SEMA6D: variants seen among roughly 807,000 people sequenced by gnomAD.
SEMA6D encodes the protein semaphorin-6D.
In SEMA6D, 35 loss-of-function variants were observed where a neutral mutation model predicts 106.6. That is an observed-to-expected ratio of 0.33 (90% CI 0.25 to 0.44). SEMA6D has a LOEUF of 0.44. Ranked by LOEUF, SEMA6D falls within the 20% of genes least tolerant of loss-of-function variation. SEMA6D has a pLI of 1.00. For synonymous variants in SEMA6D, 499 were observed against 487.7 expected, an observed-to-expected ratio of 1.02 and a Z score of -0.31; for missense variants, 1,185 against 1,345.9, an observed-to-expected ratio of 0.88 and a Z score of 1.87.
At chr15:47,666,442 C>G (rs1371541465) in intron 4 of SEMA6D, among the ~76,000 whole-genome samples, 4 of 152,132 alleles carry the variant, frequency 2.6e-5, no homozygotes, top group African/African-American at 9.7e-5. Context: ...TGCTTAGTCA[C>G]CAACTACTTG....
chr15:47,560,865 G>T (rs1848429678), intron 3 of SEMA6D, among the ~76,000 whole-genome samples: 1 of 151,990 alleles, frequency 6.6e-6, no homozygotes, highest in Non-Finnish European at 1.5e-5. Flanking sequence ...AGAAGGCAAA[G>T]ATTGCCTCGG....
At chr15:47,552,892 A>ATATATATATT in intron 3 of SEMA6D, among the ~76,000 whole-genome samples, 2 of 10,418 alleles carry the variant, frequency 1.9e-4, no homozygotes, top group African/African-American at 1.3e-3. Flanking sequence ...ATATATATAA[A>ATATATATATT]TATATATATA....
chr15:47,328,670 G>A (rs1381675009), intron 1 of SEMA6D, among the ~76,000 whole-genome samples: 1 of 152,094 alleles, frequency 6.6e-6, no homozygotes, highest in African/African-American at 2.4e-5. Context: ...TGATGCAGCT[G>A]GCCAACTTCT....
intron 1 of SEMA6D, among the ~76,000 whole-genome samples, chr15:47,321,354 TTTAGA>T (rs1423524462): frequency 6.6e-6 from 1 of 152,206 alleles, no homozygotes; most frequent in Non-Finnish European, 1.5e-5. Flanking sequence ...ATTTGGACAC[TTTAGA>T]TATAGATAAT....
chr15:47,291,689 C>T (rs764358284), intron 1 of SEMA6D, among the ~76,000 whole-genome samples: 18 of 152,164 alleles, frequency 1.2e-4, no homozygotes, highest in Non-Finnish European at 2.2e-4. Context: ...ATCTATAATG[C>T]TTTGATTTTT....
intron 4 of SEMA6D, among the ~76,000 whole-genome samples, chr15:47,645,848 A>G (rs1316548445): frequency 6.6e-6 from 1 of 152,148 alleles, no homozygotes; most frequent in African/African-American, 2.4e-5. Flanking sequence ...CCGGGGAAAC[A>G]TTCTACTGTT....
intron 13 of SEMA6D, chr15:47,765,559 A>G (rs2082290959): frequency 1.5e-6 from 1 of 679,470 alleles, no homozygotes; most frequent in Non-Finnish European, 1.9e-6. Context: ...CATCTAACAC[A>G]GGAAAATTTA....
intron 3 of SEMA6D, among the ~76,000 whole-genome samples, chr15:47,570,116 A>T (rs2046342028): frequency 6.6e-6 from 1 of 152,042 alleles, no homozygotes. Context: ...CCTGAGTATC[A>T]TTTGGTTTTC....
intron 1 of SEMA6D, among the ~76,000 whole-genome samples, chr15:47,258,805 GCT>G (rs2033933387): frequency 6.6e-6 from 1 of 151,762 alleles, no homozygotes; most frequent in African/African-American, 2.4e-5. Context: ...ATAACACTTG[GCT>G]CTGTTTCTCT....
intron 2 of SEMA6D, among the ~76,000 whole-genome samples, chr15:47,428,191 GATAA>G (rs1269738594): frequency 6.6e-6 from 1 of 152,004 alleles, no homozygotes; most frequent in Non-Finnish European, 1.5e-5. Flanking sequence ...TAGAGGCAAA[GATAA>G]ATAAATCAAC....
chr15:47,580,295 A>G (rs2076233592), intron 3 of SEMA6D, among the ~76,000 whole-genome samples: 2 of 152,306 alleles, frequency 1.3e-5, no homozygotes, highest in South Asian at 2.1e-4. Flanking sequence ...TGCTCCATGT[A>G]GGGTTTCCAG....
chr15:47,253,743 T>C (rs1362326406), intron 1 of SEMA6D, among the ~76,000 whole-genome samples: 1 of 152,200 alleles, frequency 6.6e-6, no homozygotes, highest in Non-Finnish European at 1.5e-5. Context: ...CTATGCTGTT[T>C]GGGTTACTGT....
At chr15:47,544,398 G>A (rs952905918) in intron 3 of SEMA6D, among the ~76,000 whole-genome samples, 2 of 152,098 alleles carry the variant, frequency 1.3e-5, no homozygotes, top group African/African-American at 4.8e-5. Context: ...TTGAATACAT[G>A]TTTATTGGCT....
At chr15:47,376,316 C>T (rs2039446716) in intron 1 of SEMA6D, among the ~76,000 whole-genome samples, 1 of 152,170 alleles carries the variant, frequency 6.6e-6, no homozygotes, top group Non-Finnish European at 1.5e-5. Flanking sequence ...TCTCAACCTG[C>T]ATTTGGATAT....
chr15:47,601,983 A>G (rs906110720), intron 4 of SEMA6D, among the ~76,000 whole-genome samples: 1 of 152,188 alleles, frequency 6.6e-6, no homozygotes, highest in African/African-American at 2.4e-5. Context: ...AATAAGCAGA[A>G]ACAAAATAAT....
intron 1 of SEMA6D, among the ~76,000 whole-genome samples, chr15:47,743,652 A>G (rs1408993324): frequency 6.6e-6 from 1 of 152,188 alleles, no homozygotes; most frequent in Non-Finnish European, 1.5e-5. Flanking sequence ...GTGATTTCTC[A>G]TGAGGAATCA....
intron 1 of SEMA6D, among the ~76,000 whole-genome samples, chr15:47,281,754 C>T (rs2035132828): frequency 6.6e-6 from 1 of 152,188 alleles, no homozygotes; most frequent in East Asian, 1.9e-4. Flanking sequence ...CCAAAATATT[C>T]ATGTGAATTT....
intron 1 of SEMA6D, among the ~76,000 whole-genome samples, chr15:47,255,680 A>G (rs1266947919): frequency 1.3e-5 from 2 of 152,178 alleles, no homozygotes; most frequent in African/African-American, 4.8e-5. Flanking sequence ...AAAGATTATT[A>G]AAAATTTATC....
intron 4 of SEMA6D, among the ~76,000 whole-genome samples, chr15:47,694,239 TTAATC>T (rs1472516879): frequency 6.6e-6 from 1 of 152,102 alleles, no homozygotes; most frequent in Admixed American, 6.6e-5. Flanking sequence ...TTGAAAAACA[TTAATC>T]TAATGCAGCA....
Sources: gnomAD v4.1 joint callset for allele counts (sites outside exome capture counted in the v4.1 genomes callset) on GRCh38, gnomAD v4.1.1 for gene constraint, MANE v1.5 for transcripts, NCBI Gene and HGNC (gene_info 2026-07-23, HGNC 2026-07-21) for gene names.